TMEM245: variants seen among roughly 807,000 people sequenced by gnomAD.
The protein encoded by TMEM245 is transmembrane protein 245, also known as protein CG-2.
In TMEM245, 69 loss-of-function variants were observed where a neutral mutation model predicts 101.2. The observed-to-expected ratio is 0.68, with a 90% CI of 0.56 to 0.83. The LOEUF (loss-of-function observed/expected upper bound fraction) is 0.83. Among genes scored for constraint, TMEM245 ranks in the 40% least tolerant of loss-of-function variants. The pLI, the probability that TMEM245 is intolerant of heterozygous loss-of-function variation, is 0.00. For synonymous variants in TMEM245, 537 were observed against 449.8 expected (o/e 1.19, Z -2.45); for missense variants, 1,075 against 1,092.8 (o/e 0.98, Z 0.23).
At position 109,091,083 on chromosome 9, in the gene TMEM245, G is replaced by A. The variant is rs1829991095; in HGVS notation, c.989C>T (p.Ser330Phe). 2 of 1,614,134 alleles carry A rather than the reference G, an allele frequency of 1.2e-6. No homozygotes were observed. The highest frequency in any genetic ancestry group is 4.5e-5 in the East Asian group (2 of 44,880). ...TCGTCTGCCCAGAGTAGGTGAAGGGGAAGTGGGTGAAGGGGAGGAGGGTGA... is the reference window on the plus strand; with the variant it reads ...TCGTCTGCCCAGAGTAGGTGAAGGGAAAGTGGGTGAAGGGGAGGAGGGTGA... ...SPSPSSPSPT[S>F]PSPTLGRRRP... The change falls in exon 5 of 18, where the codon TCC (serine) becomes TTC (phenylalanine). Residue 330 changes from serine (S) to phenylalanine (F), a missense_variant. By Grantham distance (155) the Ser-to-Phe change is radical. This residue lies in a region of TMEM245 where 808 missense variants were observed against 741.5 expected (regional missense o/e 1.09). Transcript: ENST00000374586.
intron 8 of TMEM245, among the ~76,000 whole-genome samples, chr9:109,080,262 G>A (rs537707891): frequency 6.6e-6 from 1 of 152,100 alleles, no homozygotes; most frequent in South Asian, 2.1e-4. Context: ...AAGTGGGGGG[G>A]AAATCTTGTC....
intron 10 of TMEM245, among the ~76,000 whole-genome samples, chr9:109,061,848 C>T (rs548330791): frequency 1.3e-5 from 2 of 152,140 alleles, no homozygotes; most frequent in Non-Finnish European, 2.9e-5. Context: ...GGATTACAGG[C>T]ATGAGCCACC....
At position 109,110,413 on chromosome 9, in the gene TMEM245, A is replaced by G. The variant is rs1830538268; in HGVS notation, c.580-1843T>C. 2.0e-5 allele frequency among the ~76,000 whole-genome samples: 3 copies of G among 152,276 alleles called. No individual in the cohort carries two copies. The South Asian group carries it at 6.2e-4, about 32-fold the overall frequency. ...GCCACAGCCAATAAATGACAGAGGC[A>G]GGATTAGAACCCAGGAATCTGGCTC... On this transcript the variant is annotated intron_variant, in intron 1 of 17. Coordinates refer to ENST00000374586, the MANE Select transcript of TMEM245 (RefSeq NM_032012.4).
At chr9:109,073,633 A>C (rs1186839112) in intron 8 of TMEM245, among the ~76,000 whole-genome samples, 195 bp from the exon 9 acceptor site, 2 of 152,270 alleles carry the variant, frequency 1.3e-5, no homozygotes, top group Non-Finnish European at 2.9e-5. Flanking sequence ...GGAAATAAAA[A>C]GTACATGCTA....
At chr9:109,040,857 G>A (rs1828280410) in intron 14 of TMEM245, among the ~76,000 whole-genome samples, 1 of 152,100 alleles carries the variant, frequency 6.6e-6, no homozygotes, top group Non-Finnish European at 1.5e-5. Flanking sequence ...GGGCATTTGA[G>A]GTGTTTCCAG....
intron 12 of TMEM245, among the ~76,000 whole-genome samples, chr9:109,054,293 ACAGT>A (rs1828773058): frequency 6.6e-6 from 1 of 152,212 alleles, no homozygotes; most frequent in African/African-American, 2.4e-5. Flanking sequence ...GCAGTAAGCC[ACAGT>A]CAAACTACTG....
chr9:109,054,002 G>A (rs1301386851), intron 12 of TMEM245, among the ~76,000 whole-genome samples: 1 of 152,026 alleles, frequency 6.6e-6, no homozygotes, highest in Admixed American at 6.5e-5. Flanking sequence ...ACCTCAAAAC[G>A]CCATTTCAAC....
At chr9:109,104,042 G>T (rs1211582004) in intron 3 of TMEM245, among the ~76,000 whole-genome samples, 1 of 151,992 alleles carries the variant, frequency 6.6e-6, no homozygotes, top group African/African-American at 2.4e-5. Context: ...CTGAGATCAT[G>T]CCACTGCACT....
chr9:109,052,809 A>T (rs1298445757), intron 12 of TMEM245, among the ~76,000 whole-genome samples: 5 of 149,274 alleles, frequency 3.3e-5, no homozygotes, highest in East Asian at 3.9e-4. Flanking sequence ...AATTTTTATT[A>T]AAAAAAAAAA....
At chr9:109,116,180 A>ATC (rs1243483912) in intron 1 of TMEM245, among the ~76,000 whole-genome samples, 1 of 152,216 alleles carries the variant, frequency 6.6e-6, no homozygotes, top group Non-Finnish European at 1.5e-5. Context: ...TGCCTCTCTC[A>ATC]TCTATACTGC....
At chr9:109,044,481 C>T (rs1431495343) in intron 14 of TMEM245, among the ~76,000 whole-genome samples, 30 of 152,180 alleles carry the variant, frequency 2.0e-4, no homozygotes, top group Non-Finnish European at 1.2e-4. Flanking sequence ...TTTCCTTACA[C>T]TGGTTCCACC....
chr9:109,025,207 G>A (rs1326849536), intron 17 of TMEM245, among the ~76,000 whole-genome samples: 5 of 152,128 alleles, frequency 3.3e-5, no homozygotes, highest in South Asian at 2.1e-4. Flanking sequence ...CTGCAGAAGC[G>A]GGGATGGTTT....
At position 109,112,800 on chromosome 9, in the gene TMEM245, G is replaced by A. The variant is rs563409260; in HGVS notation, c.580-4230C>T. ...GGTAGAGAAAAGGGATAATTCGGCC[G>A]GGCGCGGTGGCTCATGCCTGTAATC... On this transcript the variant is annotated intron_variant, in intron 1 of 17. Coordinates refer to ENST00000374586, the MANE Select transcript of TMEM245 (RefSeq NM_032012.4). Among the ~76,000 whole-genome samples the A allele has an allele frequency of 1.4e-4, 21 of 152,144 alleles. No homozygotes were observed. In the South Asian group the frequency reaches 3.1e-3, roughly 23 times the overall value.
chr9:109,058,186 A>G (rs1376446806), intron 11 of TMEM245, among the ~76,000 whole-genome samples: 1 of 150,910 alleles, frequency 6.6e-6, no homozygotes, highest in African/African-American at 2.4e-5. Context: ...TTGTATTTTT[A>G]GTAGAGACGG....
At chr9:109,096,369 C>CA (rs1460288349) in intron 3 of TMEM245, among the ~76,000 whole-genome samples, 1 of 152,168 alleles carries the variant, frequency 6.6e-6, no homozygotes, top group Non-Finnish European at 1.5e-5. Context: ...CCCAGCTACT[C>CA]AAGAGGCTGA....
At chr9:109,081,660 A>G (rs1829669322) in intron 7 of TMEM245, among the ~76,000 whole-genome samples, 1 of 152,200 alleles carries the variant, frequency 6.6e-6, no homozygotes, top group South Asian at 2.1e-4. Context: ...TATGTTTGAA[A>G]TATTTCATAA....
intron 14 of TMEM245, chr9:109,042,250 T>A (rs1226178792): frequency 6.6e-6 from 1 of 152,174 alleles, no homozygotes. Context: ...GCAGCTGTAA[T>A]AAATTACCCT....
chr9:109,082,280 A>G (rs1462082393), intron 7 of TMEM245, among the ~76,000 whole-genome samples: 8 of 152,198 alleles, frequency 5.3e-5, no homozygotes, highest in Admixed American at 4.6e-4. Context: ...TACAGCTTCA[A>G]ACAGAAGAGT....
intron 17 of TMEM245, among the ~76,000 whole-genome samples, chr9:109,028,630 TA>T (rs140693975): frequency 4.7e-5 from 7 of 148,434 alleles, no homozygotes; most frequent in African/African-American, 7.4e-5. Flanking sequence ...TTAGCTGACT[TA>T]AAAAAAAAAG....
Sources: allele counts gnomAD v4.1 joint callset (sites outside exome capture counted in the v4.1 genomes callset), GRCh38; gene constraint gnomAD v4.1.1; regional missense constraint gnomAD v4.1.1; transcripts MANE v1.5; gene names NCBI Gene and HGNC (gene_info 2026-07-23, HGNC 2026-07-21).